PTPRZ1: variants seen among roughly 807,000 people sequenced by gnomAD.
PTPRZ1 encodes receptor-type tyrosine-protein phosphatase zeta.
PTPRZ1 carries 82 observed loss-of-function variants against 214.1 expected under a neutral mutation model. That is an observed-to-expected ratio of 0.38 (90% CI 0.32 to 0.46). The LOEUF (loss-of-function observed/expected upper bound fraction) is 0.46. Ranked by LOEUF, PTPRZ1 falls within the 20% of genes least tolerant of loss-of-function variation. The probability of loss-of-function intolerance (pLI) is 1.00; values close to 1 mark genes in which losing one functional copy is unlikely to be tolerated. For synonymous variants in PTPRZ1, 945 were observed against 987.9 expected, an observed-to-expected ratio of 0.96 and a Z score of 0.81; for missense variants, 2,603 against 2,748.7, an observed-to-expected ratio of 0.95 and a Z score of 1.19.
chr7:121,961,732 G>C (rs563873121), intron 2 of PTPRZ1, among the ~76,000 whole-genome samples: 72 of 152,318 alleles, frequency 4.7e-4, no homozygotes, highest in African/African-American at 1.4e-3. Context: ...ACATATGCCA[G>C]ACTCAGAGTT....
rs1562863366 is a variant in PTPRZ1, at chr7:122,013,777, T to C, written c.4731T>C (p.Asp1577=). The change falls in exon 12 of 30, where the codon GAT becomes GAC. Residue 1577 remains aspartate (D), a synonymous_variant. Transcript: ENST00000393386. ...GTTTTGCAGACACTAATGAAAAAGATGCTGATGGGATCCTGGCAGCAGGTG... is the reference window on the plus strand; with the variant it reads ...GTTTTGCAGACACTAATGAAAAAGACGCTGATGGGATCCTGGCAGCAGGTG... The part of the protein sequence containing the change: ...DFSFADTNEK[D]ADGILAAGDS... 6.8e-6 allele frequency: 11 copies of C among 1,614,156 alleles called. No individual in the cohort carries two copies. The highest frequency in any genetic ancestry group is 8.5e-6 in the Non-Finnish European group (10 of 1,179,992).
intron 19 of PTPRZ1, 48 bp downstream of exon 19, chr7:122,038,937 A>T (rs1799632092): frequency 6.3e-7 from 1 of 1,596,830 alleles, no homozygotes; most frequent in Non-Finnish European, 8.6e-7. Flanking sequence ...AATTAGAGGT[A>T]CTTTAAATTA....
intron 1 of PTPRZ1, among the ~76,000 whole-genome samples, chr7:121,921,693 T>A (rs1279252863): frequency 1.3e-5 from 2 of 152,202 alleles, no homozygotes. Context: ...AAAGTACTTT[T>A]ATTTTGAAGC....
At chr7:121,917,588 T>C (rs1795462660) in intron 1 of PTPRZ1, among the ~76,000 whole-genome samples, 1 of 152,162 alleles carries the variant, frequency 6.6e-6, no homozygotes, top group Non-Finnish European at 1.5e-5. Context: ...AAATGATAAT[T>C]GTCGTTATAA....
At chr7:121,960,179 C>T (rs1013419332) in intron 2 of PTPRZ1, among the ~76,000 whole-genome samples, 23 of 152,162 alleles carry the variant, frequency 1.5e-4, no homozygotes, top group African/African-American at 5.1e-4. Flanking sequence ...GCTGTAATTA[C>T]GGGCGTGCGC....
intron 18 of PTPRZ1, among the ~76,000 whole-genome samples, chr7:122,038,151 A>C (rs987078799): frequency 6.6e-6 from 1 of 152,104 alleles, no homozygotes; most frequent in Non-Finnish European, 1.5e-5. Context: ...CATTATTTCC[A>C]CCTGGTTCCT....
chr7:121,910,575 A>G (rs1795242285), intron 1 of PTPRZ1, among the ~76,000 whole-genome samples: 1 of 150,840 alleles, frequency 6.6e-6, no homozygotes, highest in African/African-American at 2.5e-5. Context: ...GGTGCTTGGC[A>G]TACAGTATGT....
In PTPRZ1 at chr7:121,993,583, A is replaced by C. The variant is rs537651268; in HGVS notation, c.929-2799A>C. On this transcript the variant is annotated intron_variant, in intron 8 of 29. Transcript: ENST00000393386. ...GAGCGAGACTGTCTCAAAAAAAAAA[A>C]AAAAAAAAAAACACAAAACAAAAAA... Among the ~76,000 whole-genome samples, 835 of 151,442 alleles carry C rather than the reference A, an allele frequency of 5.5e-3. 8 individuals carry two copies. The highest frequency in any genetic ancestry group is 0.018 in the African/African-American group (759 of 41,330).
chr7:122,035,840 A>G (rs1799518647), intron 17 of PTPRZ1, among the ~76,000 whole-genome samples: 1 of 152,204 alleles, frequency 6.6e-6, no homozygotes, highest in Admixed American at 6.5e-5. Context: ...GTAATACTTT[A>G]TTTCTCATAT....
rs544582496 is a variant in PTPRZ1 at position 121,975,328 on chromosome 7, A to G, written c.457-845A>G. On this transcript the variant is annotated intron_variant, in intron 4 of 29. Transcript: ENST00000393386. ...TCTTTCGATTTCCCATGCTTGTCAT[A>G]CTGTCTTGCCTAATAGGCCTTTGCC... Among the ~76,000 whole-genome samples, 14 of 152,332 alleles carry G rather than the reference A, an allele frequency of 9.2e-5. No homozygotes were observed. In the South Asian group the frequency reaches 2.9e-3, roughly 32 times the overall value.
At chr7:122,046,247 C>G (rs1424416244) in intron 23 of PTPRZ1, among the ~76,000 whole-genome samples, 2 of 151,884 alleles carry the variant, frequency 1.3e-5, no homozygotes, top group Non-Finnish European at 2.9e-5. Flanking sequence ...AAGACCCTGT[C>G]TCTATAAAAA....
chr7:121,873,374 T>C lies in PTPRZ1; in HGVS notation c.-126T>C, dbSNP rs1584587286. The C allele has an allele frequency of 1.2e-6, 1 of 840,604 alleles. No homozygotes were observed. Among genetic ancestry groups the C allele is most frequent in the African/African-American group, 1.7e-5 (1 of 59,290 alleles). The allele number at this position is 840,604 out of a possible 1,614,324, so 52.1% of individuals were successfully genotyped here. On this transcript the variant is annotated 5_prime_UTR_variant, in exon 1 of 30. Coordinates refer to ENST00000393386, the MANE Select transcript of PTPRZ1 (RefSeq NM_002851.3). ...CAAACACACATACGCACGCACGATC[T>C]CACTTCGATCTATACACTGGAGGAT...
At chr7:121,949,127 C>T (rs1250018396) in intron 2 of PTPRZ1, among the ~76,000 whole-genome samples, 1 of 151,946 alleles carries the variant, frequency 6.6e-6, no homozygotes, top group Non-Finnish European at 1.5e-5. Flanking sequence ...TGGGACAACT[C>T]GAAGCAAAGG....
intron 1 of PTPRZ1, among the ~76,000 whole-genome samples, chr7:121,923,935 A>G (rs1795676779): frequency 6.6e-6 from 1 of 152,076 alleles, no homozygotes; most frequent in African/African-American, 2.4e-5. Context: ...GAGAATGTTT[A>G]GGTTATCTGA....
chr7:121,883,243 TA>T (rs1429854976), intron 1 of PTPRZ1, among the ~76,000 whole-genome samples: 2 of 152,206 alleles, frequency 1.3e-5, no homozygotes, highest in Admixed American at 6.5e-5. Flanking sequence ...TAAAAATGAT[TA>T]TTTTTTTTAG....
chr7:122,006,279 G>C (rs1044460564), intron 11 of PTPRZ1, among the ~76,000 whole-genome samples: 1 of 151,908 alleles, frequency 6.6e-6, no homozygotes, highest in Non-Finnish European at 1.5e-5. Context: ...CTACCTATCT[G>C]AAAATATATA....
At chr7:121,939,850 G>T (rs531086591) in intron 2 of PTPRZ1, among the ~76,000 whole-genome samples, 42 of 152,242 alleles carry the variant, frequency 2.8e-4, no homozygotes, top group Admixed American at 8.5e-4. Context: ...TCATGGAGAT[G>T]GTGTTAATGT....
At chr7:122,003,742 C>T (rs1798393609) in intron 10 of PTPRZ1, among the ~76,000 whole-genome samples, 2 of 152,124 alleles carry the variant, frequency 1.3e-5, no homozygotes, top group African/African-American at 4.8e-5. Context: ...TCCTAATGAC[C>T]CAGGCAGCTC....
At chr7:121,953,724 C>T (rs1362634350) in intron 2 of PTPRZ1, among the ~76,000 whole-genome samples, 1 of 152,164 alleles carries the variant, frequency 6.6e-6, no homozygotes, top group East Asian at 1.9e-4. Context: ...CTATTTTTTG[C>T]TACTCATTGG....
Sources: allele counts gnomAD v4.1 joint callset (sites outside exome capture counted in the v4.1 genomes callset), GRCh38; gene constraint gnomAD v4.1.1; transcripts MANE v1.5; gene names NCBI Gene and HGNC (gene_info 2026-07-23, HGNC 2026-07-21).